NPHP4: variants seen among roughly 807,000 people sequenced by gnomAD.
NPHP4 encodes nephrocystin 4.
Under a neutral mutation model 155.8 loss-of-function variants are expected in NPHP4, and 151 were observed. The ratio of observed to expected loss-of-function variants is 0.97; its 90% CI spans 0.85 to 1.11. The LOEUF (loss-of-function observed/expected upper bound fraction) is 1.11, where lower values mean the gene tolerates loss of function less well. Among genes scored for constraint, NPHP4 ranks in the 50% least tolerant of loss-of-function variants. The pLI, the probability that NPHP4 is intolerant of heterozygous loss-of-function variation, is 0.00. For synonymous variants in NPHP4, 845 were observed against 816.8 expected, an observed-to-expected ratio of 1.03 and a Z score of -0.59; for missense variants, 1,956 against 1,925.7, an observed-to-expected ratio of 1.02 and a Z score of -0.29.
Position 5,880,197 on chromosome 1 carries a change from G to T in NPHP4, c.2528C>A (p.Pro843Gln). The T allele has an allele frequency of 6.2e-7, 1 of 1,613,676 alleles. No homozygotes were observed. Among genetic ancestry groups the T allele is most frequent in the Non-Finnish European group, 8.5e-7 (1 of 1,179,748 alleles). The change falls in exon 19 of 30, where the codon CCA (proline) becomes CAA (glutamine). Residue 843 changes from proline (P) to glutamine (Q), a missense_variant. Coordinates refer to ENST00000378156, the MANE Select transcript of NPHP4 (RefSeq NM_015102.5). ...TGAGATGACCCGAGATCTGGACGGT[G>T]GCAATGTGCTACAACCTCTCACTTT... The part of the protein sequence containing the change: ...EQKVRGCSTL[P>Q]PSRSRVISND...
intron 6 of NPHP4, among the ~76,000 whole-genome samples, chr1:5,959,505 T>A (rs1338426139): frequency 2.6e-5 from 4 of 152,122 alleles, no homozygotes; most frequent in African/African-American, 9.7e-5. Flanking sequence ...TCATTTGCAG[T>A]CCTAGTCATG....
At chr1:5,909,015 C>CCCG in intron 12 of NPHP4, 137 bp downstream of exon 12, 3 of 752,212 alleles carry the variant, frequency 4.0e-6, no homozygotes, top group Non-Finnish European at 7.1e-6. Flanking sequence ...AGGGGACAGC[C>CCCG]CCGCCGCCGC....
At chr1:5,902,444 T>C (rs1644726068) in intron 16 of NPHP4, among the ~76,000 whole-genome samples, 2 of 152,202 alleles carry the variant, frequency 1.3e-5, no homozygotes, top group South Asian at 4.1e-4. Flanking sequence ...ATAAAGAAAG[T>C]GATATTTTCA....
intron 12 of NPHP4, among the ~76,000 whole-genome samples, chr1:5,908,752 G>C (rs72630621): frequency 6.0e-4 from 92 of 152,340 alleles, no homozygotes; most frequent in Non-Finnish European, 9.1e-4. Context: ...CAGGGCCAGG[G>C]GACACCAATA....
At chr1:5,885,816 TA>T (rs1034343335) in intron 18 of NPHP4, among the ~76,000 whole-genome samples, 1 of 152,144 alleles carries the variant, frequency 6.6e-6, no homozygotes, top group African/African-American at 2.4e-5. Context: ...AGAAAAGCCA[TA>T]ACACCTTTTT....
intron 16 of NPHP4, among the ~76,000 whole-genome samples, chr1:5,901,559 A>G (rs1393265096): frequency 6.6e-6 from 1 of 152,230 alleles, no homozygotes; most frequent in African/African-American, 2.4e-5. Flanking sequence ...ACTTGCAAGG[A>G]AATTTAATTT....
At position 5,910,836 on chromosome 1, in the gene NPHP4, TCTGGTGGAAACC is replaced by T. The variant is rs1358485598; in HGVS notation, c.1442-1635_1442-1624del. Among the ~76,000 whole-genome samples, 2 of 152,078 alleles carry T rather than the reference TCTGGTGGAAACC, an allele frequency of 1.3e-5. No individual in the cohort carries two copies. Among genetic ancestry groups the T allele is most frequent in the Non-Finnish European group, 2.9e-5 (2 of 68,000 alleles). ...AGGAGGTGCTTCCCCAGCTGCAGGA[TCTGGTGGAAACC>T]CTGCTAAGGGCCTGTGGATGGGTGG... On this transcript the variant is annotated intron_variant, in intron 11 of 29. Coordinates refer to ENST00000378156, the MANE Select transcript of NPHP4 (RefSeq NM_015102.5). The surrounding 1 kb of genome is among the most constrained non-coding windows in gnomAD (Gnocchi z 5.4).
intron 10 of NPHP4, among the ~76,000 whole-genome samples, chr1:5,932,173 C>G (rs1232988288): frequency 6.6e-6 from 1 of 152,074 alleles, no homozygotes. Flanking sequence ...GCTGCCTAAT[C>G]AGAGTAGTGG....
At chr1:5,875,202 T>C (rs1642458544) in intron 20 of NPHP4, 102 bp from the exon 21 acceptor site, 8 of 919,670 alleles carry the variant, frequency 8.7e-6, no homozygotes, top group Non-Finnish European at 1.4e-5. Context: ...AAGAGGACAT[T>C]TCTCCACAAG....
At position 5,886,457 on chromosome 1, in the gene NPHP4, T is replaced by C. The variant is rs924184057; in HGVS notation, c.2485+829A>G. 7 of 152,278 alleles carry C rather than the reference T, an allele frequency of 4.6e-5. No homozygotes were observed. The East Asian group carries it at 5.8e-4, about 13-fold the overall frequency. 9.4% of individuals were successfully genotyped at this position (152,278 alleles called of 1,614,324 possible). A position where few individuals can be genotyped will look rare whatever the true frequency, so the allele number is the denominator to read the frequency against. Reference sequence around the variant, plus strand: ...AGGAGTGGAAAATTCCCTAATAAAATAGCAGACAAGTCTGAATCTCATGCA... The same window carrying C: ...AGGAGTGGAAAATTCCCTAATAAAACAGCAGACAAGTCTGAATCTCATGCA... On this transcript the variant is annotated intron_variant, in intron 18 of 29. Transcript: ENST00000378156.
intron 3 of NPHP4, among the ~76,000 whole-genome samples, chr1:5,977,962 A>G (rs1028928434): frequency 6.8e-6 from 1 of 146,738 alleles, no homozygotes; most frequent in Non-Finnish European, 1.5e-5. Context: ...GATGAGGTCA[A>G]TCATTTCCCA....
intron 3 of NPHP4, among the ~76,000 whole-genome samples, chr1:5,973,056 T>C (rs1652877446): frequency 6.6e-6 from 1 of 152,202 alleles, no homozygotes; most frequent in Non-Finnish European, 1.5e-5. Context: ...AGCTAATCTT[T>C]AAATTTTTAG....
intron 6 of NPHP4, among the ~76,000 whole-genome samples, chr1:5,956,908 C>T (rs1016799979): frequency 2.6e-5 from 4 of 152,174 alleles, no homozygotes; most frequent in Non-Finnish European, 5.9e-5. Context: ...GGCTGGGAAA[C>T]CTGCCCCCAG....
chr1:5,964,941 A>ATATATATATATATATATATT, intron 5 of NPHP4, among the ~76,000 whole-genome samples: 1 of 59,418 alleles, frequency 1.7e-5, no homozygotes. Context: ...ATATATATAT[A>ATATATATATATATATATATT]TTTTTTTTTT....
rs1425234855 is a variant in NPHP4 at position 5,969,136 on chromosome 1, T to G, written c.403A>C (p.Ile135Leu). ...GGAGAGTCCGGCTGGTTGCTGAAGA[T>G]CCGAAGAATTCCAAACCCACAGGAC... ...TLSCGFGILR[I>L]FSNQPDSPIS... The change falls in exon 4 of 30, where the codon ATC becomes CTC. Residue 135 changes from isoleucine to leucine, a missense_variant. Transcript: ENST00000378156. The G allele has an allele frequency of 2.6e-6, 4 of 1,551,400 alleles. No individual in the cohort carries two copies. The highest frequency in any genetic ancestry group is 2.6e-6 in the Non-Finnish European group (3 of 1,146,856).
At chr1:5,956,764 A>C (rs1649322652) in intron 6 of NPHP4, among the ~76,000 whole-genome samples, 1 of 152,210 alleles carries the variant, frequency 6.6e-6, no homozygotes. Flanking sequence ...GGCTGAATTT[A>C]AGACACAACT....
chr1:5,879,794 C>CAT (rs59058198), intron 19 of NPHP4, among the ~76,000 whole-genome samples: 1 of 133,154 alleles, frequency 7.5e-6, no homozygotes, highest in African/African-American at 3.6e-5. Flanking sequence ...CACACACACA[C>CAT]GCAAACACAC....
rs1415375486 is a variant in NPHP4, at chr1:5,880,421, C to T, written c.2486-182G>A. The T allele has an allele frequency of 8.3e-6, 5 of 601,892 alleles. No homozygotes were observed. The East Asian group carries it at 1.4e-4, about 17-fold the overall frequency. The allele number at this position is 601,892 out of a possible 1,614,324, so 37.3% of individuals were successfully genotyped here. The stretch of plus-strand genomic sequence containing the variant: ...GAGAGACAGGTGGGAGCTCGTTCTG[C>T]TGCGAACTTTCAGCTAGGTCTTCAT... On this transcript the variant is annotated intron_variant, in intron 18 of 29. Coordinates refer to ENST00000378156, the MANE Select transcript of NPHP4 (RefSeq NM_015102.5).
intron 10 of NPHP4, 104 bp from the exon 11 acceptor site, chr1:5,927,891 G>C: frequency 8.0e-7 from 1 of 1,255,688 alleles, no homozygotes; most frequent in Admixed American, 2.2e-5. Flanking sequence ...CAAAGTCTAC[G>C]TGAAATCAGA....
Sources: gnomAD v4.1 joint callset for allele counts (sites outside exome capture counted in the v4.1 genomes callset) on GRCh38, gnomAD v4.1.1 for gene constraint, Gnocchi (gnomAD v3.1) non-coding constraint, MANE v1.5 for transcripts, NCBI Gene and HGNC (gene_info 2026-07-23, HGNC 2026-07-21) for gene names.